Variants in RFC1 observed in about 807,000 individuals in gnomAD.
The protein encoded by RFC1 is replication factor C subunit 1.
RFC1 carries 37 observed loss-of-function variants against 137.4 expected under a neutral mutation model. The observed-to-expected ratio is 0.27, with a 90% CI of 0.21 to 0.35. The LOEUF (loss-of-function observed/expected upper bound fraction) is 0.35, where lower values mean the gene tolerates loss of function less well. RFC1 is among the 10% of genes least tolerant of loss of function. The pLI is 1.00. For missense variants in RFC1, 1,205 were observed against 1,358.5 expected (o/e 0.89, Z 1.78); for synonymous variants, 429 against 455.7 (o/e 0.94, Z 0.75).
chr4:39,310,328 G>A (rs1468649926), intron 12 of RFC1, among the ~76,000 whole-genome samples: 1 of 152,198 alleles, frequency 6.6e-6, no homozygotes, highest in Middle Eastern at 3.4e-3. Context: ...AGAACTACAG[G>A]GAAAAATGTA....
At chr4:39,308,508 T>C in intron 13 of RFC1, 128 bp downstream of exon 13, 1 of 1,311,618 alleles carries the variant, frequency 7.6e-7, no homozygotes, top group South Asian at 1.4e-5. Flanking sequence ...GCACCTGGGT[T>C]CAGATCAAGC....
chr4:39,327,856 A>T, intron 4 of RFC1, 100 bp from the exon 5 acceptor site: 1 of 894,398 alleles, frequency 1.1e-6, no homozygotes, highest in Non-Finnish European at 1.7e-6. Flanking sequence ...AAGAGGCTAG[A>T]CATGGTGGCT....
intron 4 of RFC1, chr4:39,341,652 G>A (rs747458357): frequency 3.5e-5 from 16 of 455,872 alleles, no homozygotes; most frequent in African/African-American, 1.0e-4. Flanking sequence ...GTATTATTCC[G>A]GTTATTGTCT....
rs1372463082 is a variant in RFC1 at position 39,351,366 on chromosome 4, T to G, written c.114A>C (p.Lys38Asn). Residue 38 changes from lysine (K) to asparagine (N), a missense_variant, in exon 2 of 25, where the codon AAA (lysine) becomes AAC (asparagine). By Grantham distance (94) the Lys-to-Asn change is moderately conservative. Transcript: ENST00000349703. ...KSDEETLKAK[K>N]GIKEIKVNSS... The stretch of plus-strand genomic sequence containing the variant: ...AACTAACCTTGATTTCCTTTATTCC[T>G]TTCTTTGCTTTTAAAGTTTCTTCAT... The G allele has an allele frequency of 5.1e-6, 8 of 1,563,920 alleles. No homozygotes were observed. Among genetic ancestry groups the G allele is most frequent in the Middle Eastern group, 2.2e-4 (1 of 4,508 alleles).
chr4:39,304,462 T>C (rs2109616829), intron 15 of RFC1, among the ~76,000 whole-genome samples: 1 of 152,318 alleles, frequency 6.6e-6, no homozygotes, highest in South Asian at 2.1e-4. Context: ...CTTTATTACA[T>C]ACATGCAGAG....
At chr4:39,295,549 A>G in intron 22 of RFC1, 65 bp downstream of exon 22, 1 of 1,324,846 alleles carries the variant, frequency 7.5e-7, no homozygotes, top group Non-Finnish European at 1.0e-6. Flanking sequence ...TCACATGATC[A>G]TTACTGGATA....
In RFC1 at chr4:39,334,522, G is replaced by A. The variant is rs535325986; in HGVS notation, c.332-6766C>T. ...AATAAATATTTTACAATCCTACACAGTGTGTAGAGATGAAACATTCCAAAT... is the reference window on the plus strand; with the variant it reads ...AATAAATATTTTACAATCCTACACAATGTGTAGAGATGAAACATTCCAAAT... On this transcript the variant is annotated intron_variant, in intron 4 of 24. Transcript: ENST00000349703. 3.3e-5 allele frequency among the ~76,000 whole-genome samples: 5 copies of A among 152,358 alleles called. 1 individual carries two copies. The South Asian group carries it at 1.0e-3, about 32-fold the overall frequency.
intron 1 of RFC1, among the ~76,000 whole-genome samples, chr4:39,357,735 G>A (rs1741551532): frequency 6.6e-6 from 1 of 151,682 alleles, no homozygotes; most frequent in African/African-American, 2.4e-5. Flanking sequence ...TCCTGCCTCA[G>A]CCTCCCAAGT....
At chr4:39,324,510 C>G (rs1173163581) in intron 6 of RFC1, among the ~76,000 whole-genome samples, 1 of 152,216 alleles carries the variant, frequency 6.6e-6, no homozygotes, top group Non-Finnish European at 1.5e-5. Context: ...CATGTGGATA[C>G]TCGCTTGTAG....
At position 39,320,171 on chromosome 4, in the gene RFC1, G is replaced by C. The variant is rs17288209; in HGVS notation, c.1095+212C>G. ...TCAAGACCAGCCTGACCAACATGGA[G>C]AAACCCCGTCTCTACTAAAAATACA... On this transcript the variant is annotated intron_variant, in intron 9 of 24. Coordinates refer to ENST00000349703, the MANE Select transcript of RFC1 (RefSeq NM_002913.5). Among the ~76,000 whole-genome samples, 1,517 of 152,112 alleles carry C rather than the reference G, an allele frequency of 1.0e-2. 23 individuals carry two copies. Among genetic ancestry groups the C allele is most frequent in the African/African-American group, 0.032 (1,341 of 41,468 alleles).
At chr4:39,342,757 G>C (rs546519888) in intron 3 of RFC1, among the ~76,000 whole-genome samples, 3 of 152,290 alleles carry the variant, frequency 2.0e-5, no homozygotes, top group Non-Finnish European at 2.9e-5. Flanking sequence ...CACTGGGCCA[G>C]TCAAGGTACC....
chr4:39,337,045 A>C (rs1402959372), intron 4 of RFC1, among the ~76,000 whole-genome samples: 1 of 152,208 alleles, frequency 6.6e-6, no homozygotes, highest in African/African-American at 2.4e-5. Flanking sequence ...CTGGGCGGGA[A>C]GGAAGAAGGG....
In RFC1 at chr4:39,292,346, C is replaced by A. The variant is rs925898548; in HGVS notation, c.2955-494G>T. 5.3e-5 allele frequency among the ~76,000 whole-genome samples: 8 copies of A among 152,216 alleles called. No homozygotes were observed. The South Asian group carries it at 1.7e-3, about 32-fold the overall frequency. On this transcript the variant is annotated intron_variant, in intron 22 of 24. Coordinates refer to ENST00000349703, the MANE Select transcript of RFC1 (RefSeq NM_002913.5). ...TACTCTGAAATCGTCAGTTCTAGAGCCGGCTTTTCTCCAAATCTAAGAAAA... is the reference window on the plus strand; with the variant it reads ...TACTCTGAAATCGTCAGTTCTAGAGACGGCTTTTCTCCAAATCTAAGAAAA...
Position 39,320,531 on chromosome 4 carries a change from C to A in RFC1, c.947G>T (p.Ser316Ile). 1 of 1,613,434 alleles carries A rather than the reference C, an allele frequency of 6.2e-7. No individual in the cohort carries two copies. Among genetic ancestry groups the A allele is most frequent in the Non-Finnish European group, 8.5e-7 (1 of 1,179,890 alleles). ...TCTTTTCATAATTGCCAGCTTAGAA[C>A]TGGCCTTGGGAGAAGAGACTTCTCC... ...KIGEVSSPKA[S>I]SKLAIMKRKE... Residue 316 changes from serine (S) to isoleucine (I), a missense_variant, in exon 9 of 25, where the codon AGT (serine) becomes ATT (isoleucine). Transcript: ENST00000349703.
chr4:39,357,575 A>G (rs773655780), intron 1 of RFC1, among the ~76,000 whole-genome samples: 2 of 151,910 alleles, frequency 1.3e-5, no homozygotes, highest in Non-Finnish European at 2.9e-5. Flanking sequence ...CACCAGGGCT[A>G]ATGTACTCCG....
chr4:39,329,127 C>CAAAAAAAAA (rs71594924), intron 4 of RFC1, among the ~76,000 whole-genome samples: 520 of 31,664 alleles, frequency 0.016, 105 homozygotes, highest in African/African-American at 0.042. Context: ...CAGTGACTCA[C>CAAAAAAAAA]AAAAAAAAAA....
At chr4:39,307,108 G>A (rs1738709734) in intron 13 of RFC1, among the ~76,000 whole-genome samples, 1 of 152,126 alleles carries the variant, frequency 6.6e-6, no homozygotes, top group African/African-American at 2.4e-5. Context: ...TTTGTTAGAT[G>A]AGGAGAACAA....
At chr4:39,358,056 C>T (rs936736480) in intron 1 of RFC1, among the ~76,000 whole-genome samples, 1 of 151,986 alleles carries the variant, frequency 6.6e-6, no homozygotes, top group African/African-American at 2.4e-5. Context: ...GGGTGGATCA[C>T]CTGAGGTTGG....
chr4:39,311,752 C>T (rs902536150), intron 11 of RFC1, among the ~76,000 whole-genome samples: 11 of 152,190 alleles, frequency 7.2e-5, no homozygotes, highest in African/African-American at 2.7e-4. Context: ...ATAACAGATA[C>T]ATTCCCTAAG....
Sources: allele counts gnomAD v4.1 joint callset (sites outside exome capture counted in the v4.1 genomes callset), GRCh38; gene constraint gnomAD v4.1.1; transcripts MANE v1.5; gene names NCBI Gene and HGNC (gene_info 2026-07-23, HGNC 2026-07-21).